Variants in FRMD6 observed in about 807,000 individuals in gnomAD.
FRMD6 encodes the protein FERM domain containing 6.
FRMD6 carries 37 observed loss-of-function variants against 73.2 expected under a neutral mutation model. The ratio of observed to expected loss-of-function variants is 0.51; its 90% CI spans 0.39 to 0.66. The LOEUF is 0.66. FRMD6 is among the 30% of genes least tolerant of loss of function. FRMD6 has a pLI of 0.00. For missense variants in FRMD6, 714 were observed against 780.5 expected, an observed-to-expected ratio of 0.91 and a Z score of 1.02; for synonymous variants, 273 against 282.2, an observed-to-expected ratio of 0.97 and a Z score of 0.33.
intron 1 of FRMD6, among the ~76,000 whole-genome samples, chr14:51,541,952 A>G (rs1305790333): frequency 6.6e-6 from 1 of 151,984 alleles, no homozygotes; most frequent in African/African-American, 2.4e-5. Flanking sequence ...TAAGGTTTTT[A>G]TCATGGAAGT....
At chr14:51,715,179 A>C in intron 9 of FRMD6, 146 bp from the exon 10 acceptor site, 1 of 639,086 alleles carries the variant, frequency 1.6e-6, no homozygotes, top group Non-Finnish European at 2.4e-6. Flanking sequence ...TGAAAGGAAA[A>C]ACAATAATTT....
rs548563404 is a variant in FRMD6 at position 51,568,107 on chromosome 14, A to G, written c.-209-2241A>G. ...GTTTAAGAAGAAAGCACTTGGCAAAATAGCTATGAGTTCATTTATGTCTTT... is the reference window on the plus strand; with the variant it reads ...GTTTAAGAAGAAAGCACTTGGCAAAGTAGCTATGAGTTCATTTATGTCTTT... On this transcript the variant is annotated intron_variant, in intron 1 of 14. Coordinates refer to the FRMD6 transcript ENST00000356218. Among the ~76,000 whole-genome samples, 5 of 152,386 alleles carry G rather than the reference A, an allele frequency of 3.3e-5. No homozygotes were observed. The East Asian group carries it at 9.6e-4, about 29-fold the overall frequency.
At chr14:51,652,371 C>T (rs573136743) in intron 1 of FRMD6, among the ~76,000 whole-genome samples, 3 of 152,306 alleles carry the variant, frequency 2.0e-5, no homozygotes, top group Admixed American at 6.5e-5. Context: ...GACTGCGCGC[C>T]TGGGCTCCGT....
At chr14:51,549,595 CTTTTTT>C (rs35356416) in intron 1 of FRMD6, among the ~76,000 whole-genome samples, 1 of 98,010 alleles carries the variant, frequency 1.0e-5, no homozygotes, top group African/African-American at 4.1e-5. Flanking sequence ...TTTTTTCTTT[CTTTTTT>C]TTTTTTTTTT....
the FRMD6 span, among the ~76,000 whole-genome samples, chr14:51,432,534 A>T: frequency 6.6e-6 from 1 of 152,210 alleles, no homozygotes; most frequent in South Asian, 2.1e-4. Flanking sequence ...CATGAGGACC[A>T]ATGCCTGACA....
chr14:51,583,706 G>A (rs1181248843), intron 2 of FRMD6, among the ~76,000 whole-genome samples: 2 of 152,152 alleles, frequency 1.3e-5, no homozygotes, highest in Non-Finnish European at 2.9e-5. Flanking sequence ...CTGGCTCCAG[G>A]GCCCAGGCTC....
intron 7 of FRMD6, among the ~76,000 whole-genome samples, chr14:51,710,804 T>G (rs1465418151): frequency 6.6e-6 from 1 of 152,214 alleles, no homozygotes; most frequent in Non-Finnish European, 1.5e-5. Context: ...AGATGAGCAC[T>G]TAAAGGATGT....
At chr14:51,522,649 A>G (rs1415918146) in intron 1 of FRMD6, among the ~76,000 whole-genome samples, 3 of 152,334 alleles carry the variant, frequency 2.0e-5, no homozygotes, top group Non-Finnish European at 4.4e-5. Context: ...TGGATTTGAC[A>G]AATTTGCACA....
chr14:51,478,304 T>C, the FRMD6 span, among the ~76,000 whole-genome samples: 1 of 151,788 alleles, frequency 6.6e-6, no homozygotes, highest in Non-Finnish European at 1.5e-5. Flanking sequence ...ATTATATGCA[T>C]TTTTTTTCCT....
At chr14:51,651,592 C>A (rs1381754120), upstream of FRMD6, 2 of 152,392 alleles carry the variant, frequency 1.3e-5, no homozygotes, top group African/African-American at 4.8e-5. Context: ...GTCCACACCA[C>A]CGCGTCCACC....
intron 1 of FRMD6, among the ~76,000 whole-genome samples, chr14:51,653,466 A>G (rs1034133657): frequency 1.3e-5 from 2 of 152,204 alleles, no homozygotes; most frequent in African/African-American, 4.8e-5. Flanking sequence ...TACATCTGTC[A>G]TTAAAAAGGC....
intron 1 of FRMD6, among the ~76,000 whole-genome samples, chr14:51,549,294 T>A (rs559522324): frequency 1.4e-4 from 22 of 152,318 alleles, no homozygotes; most frequent in Admixed American, 1.0e-3. Flanking sequence ...TGAATATTTT[T>A]AAAAAATCAA....
chr14:51,671,733 G>A (rs1170608318), intron 1 of FRMD6, among the ~76,000 whole-genome samples: 1 of 152,182 alleles, frequency 6.6e-6, no homozygotes, highest in Non-Finnish European at 1.5e-5. Flanking sequence ...GCAGTTGGTG[G>A]ATAACTTACT....
At chr14:51,676,670 CA>C (rs1566555372) in intron 1 of FRMD6, among the ~76,000 whole-genome samples, 1 of 152,084 alleles carries the variant, frequency 6.6e-6, no homozygotes, top group East Asian at 1.9e-4. Flanking sequence ...GTGAAATATA[CA>C]CATAGAAGAG....
intron 1 of FRMD6, chr14:51,565,163 G>A (rs1887705632): frequency 6.6e-6 from 1 of 152,266 alleles, no homozygotes; most frequent in Non-Finnish European, 1.5e-5. Flanking sequence ...GAGAGAGGAG[G>A]TGGAGCCAAG....
intron 1 of FRMD6, among the ~76,000 whole-genome samples, chr14:51,516,076 G>A (rs1000663247): frequency 2.6e-5 from 4 of 152,134 alleles, no homozygotes; most frequent in African/African-American, 9.7e-5. Flanking sequence ...CAAGTTCTGT[G>A]GAGAGAGGGG....
chr14:51,669,155 C>T (rs1433150327), intron 1 of FRMD6, among the ~76,000 whole-genome samples: 1 of 152,174 alleles, frequency 6.6e-6, no homozygotes, highest in Non-Finnish European at 1.5e-5. Context: ...CCTCCCCTGC[C>T]ACTCTAGATG....
At chr14:51,447,888 T>A in the FRMD6 span, among the ~76,000 whole-genome samples, 1 of 152,194 alleles carries the variant, frequency 6.6e-6, no homozygotes, top group African/African-American at 2.4e-5. Context: ...CCAAAATTAT[T>A]TTCTTATTGC....
chr14:51,628,631 G>T (rs1404379153), intron 2 of FRMD6, among the ~76,000 whole-genome samples: 2 of 151,652 alleles, frequency 1.3e-5, no homozygotes, highest in South Asian at 4.2e-4. Context: ...AGGCCAACAT[G>T]GTGAAATGCC....
Sources: gnomAD v4.1 joint callset for allele counts (sites outside exome capture counted in the v4.1 genomes callset) on GRCh38, gnomAD v4.1.1 for gene constraint, MANE v1.5 for transcripts, NCBI Gene and HGNC (gene_info 2026-07-23, HGNC 2026-07-21) for gene names.